Variants in SYT1 observed in about 807,000 individuals in gnomAD.
SYT1 encodes synaptotagmin-1.
A neutral mutation model predicts 44.8 loss-of-function variants in SYT1; 8 were observed. That is an observed-to-expected ratio of 0.18 (90% CI 0.10 to 0.32). SYT1 has a LOEUF of 0.32. Ranked by LOEUF, SYT1 falls within the 10% of genes least tolerant of loss-of-function variation. The pLI is 1.00. For missense variants in SYT1, 286 were observed against 509.3 expected, an observed-to-expected ratio of 0.56 and a Z score of 4.22; for synonymous variants, 154 against 188.8, an observed-to-expected ratio of 0.82 and a Z score of 1.51.
intron 1 of SYT1, among the ~76,000 whole-genome samples, chr12:78,896,487 T>A (rs1875365285): frequency 6.6e-6 from 1 of 151,768 alleles, no homozygotes; most frequent in South Asian, 2.1e-4. Flanking sequence ...TATCTCCTAT[T>A]ACCCAAAATT....
At chr12:78,870,716 C>T (rs1952592876) in intron 1 of SYT1, among the ~76,000 whole-genome samples, 1 of 152,024 alleles carries the variant, frequency 6.6e-6, no homozygotes, top group Non-Finnish European at 1.5e-5. Flanking sequence ...ATGTGGCCTC[C>T]AGGGAACAGC....
chr12:79,100,163 T>C (rs1232569878), intron 3 of SYT1, among the ~76,000 whole-genome samples: 2 of 152,130 alleles, frequency 1.3e-5, no homozygotes, highest in Non-Finnish European at 2.9e-5. Context: ...AAGGAGGAGT[T>C]CGTTAATATT....
At chr12:79,098,008 A>C (rs1878238732) in intron 3 of SYT1, among the ~76,000 whole-genome samples, 1 of 151,934 alleles carries the variant, frequency 6.6e-6, no homozygotes, top group South Asian at 2.1e-4. Context: ...TGTTCTCCTG[A>C]AATGTTTTCT....
intron 1 of SYT1, among the ~76,000 whole-genome samples, chr12:78,877,843 G>T (rs1317396824): frequency 6.6e-6 from 1 of 151,706 alleles, no homozygotes; most frequent in Non-Finnish European, 1.5e-5. Context: ...TGCCCAGGCT[G>T]GTCCTGAACT....
rs535223559 is a variant in SYT1 at position 79,157,179 on chromosome 12, A to C, written c.-17-60324A>C. On this transcript the variant is annotated intron_variant, in intron 3 of 10. Transcript: ENST00000261205. Reference sequence around the variant, plus strand: ...TACCCTCTCCTTTCCACTGTCAGGCAAGCTTGTCACGCAAGACAAAGTGAA... The same window carrying C: ...TACCCTCTCCTTTCCACTGTCAGGCCAGCTTGTCACGCAAGACAAAGTGAA... 9.8e-5 allele frequency among the ~76,000 whole-genome samples: 15 copies of C among 152,344 alleles called. No individual in the cohort carries two copies. The South Asian group carries it at 3.1e-3, about 32-fold the overall frequency.
intron 8 of SYT1, among the ~76,000 whole-genome samples, chr12:79,336,446 CTA>C (rs1464313997): frequency 3.3e-5 from 5 of 152,140 alleles, no homozygotes; most frequent in Middle Eastern, 6.8e-3. Context: ...TTTTTCTCCT[CTA>C]TATCTTTCTC....
chr12:79,286,312 C>T (rs899727805), intron 5 of SYT1, among the ~76,000 whole-genome samples: 4 of 152,130 alleles, frequency 2.6e-5, no homozygotes, highest in African/African-American at 9.7e-5. Context: ...ATAAAAAGTG[C>T]CTGAGTGTTT....
intron 2 of SYT1, among the ~76,000 whole-genome samples, chr12:79,013,607 T>G (rs1592661798): frequency 2.0e-5 from 3 of 152,300 alleles, no homozygotes; most frequent in South Asian, 4.1e-4. Flanking sequence ...TTCCTGCGTT[T>G]TTTCCTCTAT....
chr12:79,445,373 G>A (rs7135647), intron 10 of SYT1, among the ~76,000 whole-genome samples: 20,194 of 151,918 alleles, frequency 0.13, 1,396 homozygotes, highest in Middle Eastern at 0.17. Flanking sequence ...GTTAACTATA[G>A]CCATCCTGTA....
intron 1 of SYT1, among the ~76,000 whole-genome samples, chr12:78,904,275 T>C (rs943530466): frequency 8.5e-5 from 13 of 152,164 alleles, no homozygotes; most frequent in Non-Finnish European, 5.9e-5. Context: ...CTTAGCCTTA[T>C]GATACTTCTA....
In SYT1 at chr12:79,449,244, G is replaced by A. The variant is rs1457633924; in HGVS notation, c.*120G>A. The A allele has an allele frequency of 2.8e-6, 3 of 1,069,886 alleles. No individual in the cohort carries two copies. The highest frequency in any genetic ancestry group is 4.0e-6 in the Non-Finnish European group (3 of 748,664). 66.3% of individuals were successfully genotyped at this position (1,069,886 alleles called of 1,614,324 possible). ...CCATGCATTCCTAACACAATTCAGT[G>A]GTACTTGGAATCCTGTTTTAATTTG... is the stretch of plus-strand genomic sequence containing the variant. On this transcript the variant is annotated 3_prime_UTR_variant, in exon 11 of 11. Transcript: ENST00000261205.
At chr12:79,167,909 T>C (rs1194241157) in intron 3 of SYT1, among the ~76,000 whole-genome samples, 1 of 151,962 alleles carries the variant, frequency 6.6e-6, no homozygotes, top group African/African-American at 2.4e-5. Context: ...CGTAACAACC[T>C]AGATCCCTCA....
intron 3 of SYT1, among the ~76,000 whole-genome samples, chr12:79,173,047 A>G (rs1257315375): frequency 6.6e-6 from 1 of 150,574 alleles, no homozygotes; most frequent in African/African-American, 2.5e-5. Flanking sequence ...TGTGGCAGAA[A>G]AGGTATATAA....
Position 79,450,333 on chromosome 12 carries a change from A to G in SYT1, c.*1209A>G, listed in dbSNP as rs1028721095. On this transcript the variant is annotated 3_prime_UTR_variant, in exon 11 of 11. Transcript: ENST00000261205. The stretch of plus-strand genomic sequence containing the variant: ...TAGCCATAGTTCTGAATGCACTTCA[A>G]TTAAGCCAAAACAGACAGCTAGTGA... 11 of 152,788 alleles carry G rather than the reference A, an allele frequency of 7.2e-5. No homozygotes were observed. Among genetic ancestry groups the G allele is most frequent in the East Asian group, 3.9e-4 (2 of 5,194 alleles). 9.5% of individuals were successfully genotyped at this position (152,788 alleles called of 1,614,324 possible).
chr12:79,446,030 T>TAC (rs1465746645), intron 10 of SYT1, among the ~76,000 whole-genome samples: 24 of 130,786 alleles, frequency 1.8e-4, no homozygotes, highest in African/African-American at 5.9e-4. Flanking sequence ...TATATATATA[T>TAC]ATATTATGCC....
At chr12:79,037,983 T>C (rs1017265407) in intron 2 of SYT1, among the ~76,000 whole-genome samples, 3 of 151,726 alleles carry the variant, frequency 2.0e-5, no homozygotes, top group African/African-American at 7.2e-5. Flanking sequence ...TGTTTAATAT[T>C]TTTAAAGGAT....
intron 8 of SYT1, among the ~76,000 whole-genome samples, chr12:79,329,692 T>C (rs1422059808): frequency 1.3e-5 from 2 of 152,186 alleles, no homozygotes; most frequent in Non-Finnish European, 2.9e-5. Flanking sequence ...CAAGGTCACC[T>C]ATCTAGTAAG....
At chr12:79,052,247 C>A (rs1471338910) in intron 3 of SYT1, among the ~76,000 whole-genome samples, 1 of 151,976 alleles carries the variant, frequency 6.6e-6, no homozygotes, top group Non-Finnish European at 1.5e-5. Flanking sequence ...CCTTCACATC[C>A]CTTGTAAGTT....
At chr12:78,891,938 C>CTA (rs1420901916) in intron 1 of SYT1, among the ~76,000 whole-genome samples, 4 of 151,798 alleles carry the variant, frequency 2.6e-5, no homozygotes, top group Non-Finnish European at 4.4e-5. Context: ...CAAATAAATT[C>CTA]TATGTGCAAT....
Sources: allele counts gnomAD v4.1 joint callset (sites outside exome capture counted in the v4.1 genomes callset), GRCh38; gene constraint gnomAD v4.1.1; transcripts MANE v1.5; gene names NCBI Gene and HGNC (gene_info 2026-07-23, HGNC 2026-07-21).